MGAT5: variants seen among roughly 807,000 people sequenced by gnomAD.
The protein encoded by MGAT5 is alpha-1,6-mannosylglycoprotein 6-beta-N-acetylglucosaminyltransferase.
In MGAT5, 30 loss-of-function variants were observed where a neutral mutation model predicts 94.3. That is an observed-to-expected ratio of 0.32 (90% CI 0.24 to 0.43). The LOEUF (loss-of-function observed/expected upper bound fraction) is 0.43. Among genes scored for constraint, MGAT5 ranks in the 20% least tolerant of loss-of-function variants. MGAT5 has a pLI of 1.00. For synonymous variants in MGAT5, 310 were observed against 322.9 expected (o/e 0.96, Z 0.43); for missense variants, 691 against 905.5 (o/e 0.76, Z 3.04).
intron 15 of MGAT5, 35 bp from the exon 16 acceptor site, chr2:134,448,611 TTCA>T: frequency 6.2e-7 from 1 of 1,600,930 alleles, no homozygotes; most frequent in Non-Finnish European, 8.6e-7. Context: ...GCTCTGTCCC[TTCA>T]TCACCAACAC....
At chr2:134,342,510 G>A (rs540632252) in intron 7 of MGAT5, among the ~76,000 whole-genome samples, 11 of 152,200 alleles carry the variant, frequency 7.2e-5, no homozygotes, top group East Asian at 1.9e-4. Flanking sequence ...CCAGCACTTC[G>A]GGAGGCCAAG....
chr2:134,362,525 G>T (rs1452081436), intron 10 of MGAT5, 117 bp downstream of exon 10: 1 of 1,259,888 alleles, frequency 7.9e-7, no homozygotes, highest in Non-Finnish European at 1.1e-6. Context: ...GATCTACTTA[G>T]ACATAAACAA....
intron 14 of MGAT5, among the ~76,000 whole-genome samples, chr2:134,430,574 G>C (rs955353606): frequency 2.0e-5 from 3 of 152,126 alleles, no homozygotes; most frequent in African/African-American, 7.2e-5. Flanking sequence ...TGTGTGTCAG[G>C]AACCAGGAAG....
At chr2:134,247,861 C>G (rs1682372887) in intron 1 of MGAT5, among the ~76,000 whole-genome samples, 1 of 152,186 alleles carries the variant, frequency 6.6e-6, no homozygotes, top group Non-Finnish European at 1.5e-5. Flanking sequence ...TCAGTTCCTC[C>G]TTGTCACCCT....
chr2:134,336,924 A>G (rs1688366992), intron 5 of MGAT5, among the ~76,000 whole-genome samples: 1 of 152,208 alleles, frequency 6.6e-6, no homozygotes, highest in African/African-American at 2.4e-5. Context: ...TCTTTAGACC[A>G]TAGATCACTA....
At chr2:134,420,567 G>A (rs1476134503) in intron 12 of MGAT5, among the ~76,000 whole-genome samples, 1 of 152,128 alleles carries the variant, frequency 6.6e-6, no homozygotes, top group South Asian at 2.1e-4. Flanking sequence ...AAGAACAGTG[G>A]CTAAGGGAAA....
chr2:134,352,440 G>A (rs111232841), intron 9 of MGAT5, among the ~76,000 whole-genome samples: 3,001 of 152,272 alleles, frequency 0.02, 41 homozygotes, highest in Non-Finnish European at 0.023. Context: ...AAGAGCCAAC[G>A]TGCAGGACAA....
chr2:134,284,786 A>G (rs16830322), intron 2 of MGAT5, among the ~76,000 whole-genome samples: 4,806 of 152,276 alleles, frequency 0.032, 247 homozygotes, highest in African/African-American at 0.1. Flanking sequence ...TGGCTGGTGC[A>G]TCTCTAATGT....
chr2:134,262,623 C>T (rs1447362000), intron 1 of MGAT5, among the ~76,000 whole-genome samples: 58 of 152,000 alleles, frequency 3.8e-4, no homozygotes, highest in Admixed American at 6.6e-5. Flanking sequence ...TGGCCTCAAG[C>T]GATCCTCCCA....
intron 4 of MGAT5, among the ~76,000 whole-genome samples, chr2:134,322,713 C>T (rs530738782): frequency 6.6e-6 from 1 of 152,122 alleles, no homozygotes; most frequent in Non-Finnish European, 1.5e-5. Flanking sequence ...TGGTTTTATT[C>T]TTTCCTGCTG....
At position 134,167,264 on chromosome 2, in the gene MGAT5, G is replaced by A. The variant is rs908751021; in HGVS notation, c.-143+46973G>A. On this transcript the variant is annotated intron_variant, in intron 1 of 16. Transcript: ENST00000409645. Reference sequence around the variant, plus strand: ...AATGAATCATCCTCAGCCTCATCATGAGGAATTAAAAATAGAACAGTTGAC... The same window carrying A: ...AATGAATCATCCTCAGCCTCATCATAAGGAATTAAAAATAGAACAGTTGAC... Among the ~76,000 whole-genome samples, 9 of 152,328 alleles carry A rather than the reference G, an allele frequency of 5.9e-5. 1 individual carries two copies. Among genetic ancestry groups the A allele is most frequent in the African/African-American group, 1.9e-4 (8 of 41,558 alleles).
chr2:134,224,471 T>C (rs1680950166), intron 1 of MGAT5, among the ~76,000 whole-genome samples: 1 of 152,192 alleles, frequency 6.6e-6, no homozygotes, highest in Non-Finnish European at 1.5e-5. Context: ...AGAGTGTTTA[T>C]AGCTTTTACT....
intron 12 of MGAT5, among the ~76,000 whole-genome samples, chr2:134,420,411 G>A (rs907332822): frequency 1.3e-5 from 2 of 152,202 alleles, no homozygotes; most frequent in East Asian, 1.9e-4. Flanking sequence ...TCAGAAGGGC[G>A]GGAAACTGAA....
At chr2:134,333,515 C>T (rs909703455) in intron 4 of MGAT5, among the ~76,000 whole-genome samples, 44 of 151,714 alleles carry the variant, frequency 2.9e-4, no homozygotes, top group Admixed American at 5.9e-4. Context: ...AGCACACCAG[C>T]ATGGCACATG....
rs114825166 is a variant in MGAT5 at position 134,157,940 on chromosome 2, G to A, written c.-143+37649G>A. Among the ~76,000 whole-genome samples the A allele has an allele frequency of 2.9e-3, 440 of 152,320 alleles. 4 individuals carry two copies. Among genetic ancestry groups the A allele is most frequent in the Non-Finnish European group, 1.5e-3 (100 of 68,026 alleles). On this transcript the variant is annotated intron_variant, in intron 1 of 16. Coordinates refer to the MGAT5 transcript ENST00000409645. ...ATCCACAGGCAGGGTGTCCTGACAA[G>A]TCTGTTCAGTTCTCAGCTGAGGGGA...
At chr2:134,394,334 A>G (rs1459779021) in intron 10 of MGAT5, among the ~76,000 whole-genome samples, 1 of 152,118 alleles carries the variant, frequency 6.6e-6, no homozygotes, top group Non-Finnish European at 1.5e-5. Flanking sequence ...GCTTCATATG[A>G]AAAAAAACTT....
Position 134,318,630 on chromosome 2 carries a change from A to T in MGAT5, c.484-20A>T. The T allele has an allele frequency of 6.3e-7, 1 of 1,598,614 alleles. No homozygotes were observed. Among genetic ancestry groups the T allele is most frequent in the African/African-American group, 1.3e-5 (1 of 74,688 alleles). ...GAGGGCCTGTGAATGGGCTGCTCAG[A>T]GATGTTCTTCTTGTTTCAGTGGATG... On this transcript the variant is annotated intron_variant, in intron 3 of 15. Transcript: ENST00000281923.
At chr2:134,154,051 G>C (rs1315965831) in intron 1 of MGAT5, among the ~76,000 whole-genome samples, 1 of 152,016 alleles carries the variant, frequency 6.6e-6, no homozygotes, top group East Asian at 1.9e-4. Context: ...CAAAACAAGA[G>C]GTACTTAATT....
rs58666142 is a variant in MGAT5, at chr2:134,450,783, A to AGTGTGTGTGTGTGT, written c.*1971_*1984dup. On this transcript the variant is annotated 3_prime_UTR_variant, in exon 16 of 16. Transcript: ENST00000281923. ...AGTCCAAAGGAAACCTTGGTGAGTG[A>AGTGTGTGTGTGTGT]GTGTGTGTGTGTGTGTGTGTGTGTG... The AGTGTGTGTGTGTGT allele has an allele frequency of 2.9e-5, 4 of 137,284 alleles. No individual in the cohort carries two copies. Among genetic ancestry groups the AGTGTGTGTGTGTGT allele is most frequent in the Non-Finnish European group, 6.4e-5 (4 of 62,304 alleles). 8.5% of individuals were successfully genotyped at this position (137,284 alleles called of 1,614,324 possible). A position where few individuals can be genotyped will look rare whatever the true frequency, so the allele number is the denominator to read the frequency against.
Sources: gnomAD v4.1 joint callset for allele counts (sites outside exome capture counted in the v4.1 genomes callset) on GRCh38, gnomAD v4.1.1 for gene constraint, MANE v1.5 for transcripts, NCBI Gene and HGNC (gene_info 2026-07-23, HGNC 2026-07-21) for gene names.